Variants in XKRX observed in about 807,000 individuals in gnomAD.
XKRX encodes the protein XK related X-linked.
A neutral mutation model predicts 22.4 loss-of-function variants in XKRX; 11 were observed. That is an observed-to-expected ratio of 0.49 (90% CI 0.31 to 0.81). XKRX has a LOEUF of 0.81. Ranked by LOEUF, XKRX falls within the 40% of genes least tolerant of loss-of-function variation. The probability of loss-of-function intolerance (pLI) is 0.05; values close to 1 mark genes in which losing one functional copy is unlikely to be tolerated. For synonymous variants in XKRX, 114 were observed against 132.2 expected, an observed-to-expected ratio of 0.86 and a Z score of 0.94; for missense variants, 320 against 336.5, an observed-to-expected ratio of 0.95 and a Z score of 0.38.
chrX:100,898,599 A>G, the XKRX span, among the ~76,000 whole-genome samples: 1 of 62,644 alleles, frequency 1.6e-5, no homozygotes, highest in Non-Finnish European at 3.3e-5. Flanking sequence ...AACAACAACA[A>G]AAAAAAAAAA....
At chrX:100,957,637 T>C in the XKRX span, 2 of 472,514 alleles carry the variant, frequency 4.2e-6, no homozygotes, top group African/African-American at 4.8e-5. Flanking sequence ...GGAGAAGACA[T>C]GTTTATTTTT....
chrX:100,959,222 T>G, the XKRX span, among the ~76,000 whole-genome samples: 1 of 112,030 alleles, frequency 8.9e-6, no homozygotes, highest in East Asian at 2.8e-4. Flanking sequence ...AAACTAGCTT[T>G]TAGTTTAAAG....
In XKRX at chrX:100,928,269, A is replaced by G. The variant is rs199645817; in HGVS notation, c.36T>C (p.Asn12=). 17 of 1,211,207 alleles carry G rather than the reference A, an allele frequency of 1.4e-5. No homozygotes were observed. The East Asian group carries it at 2.1e-4, about 15-fold the overall frequency. Residue 12 remains asparagine, a synonymous_variant, in exon 1 of 3, where the codon AAT becomes AAC. Coordinates refer to ENST00000372956, the MANE Select transcript of XKRX (RefSeq NM_212559.3). The part of the protein sequence containing the change: ...DRVYEIPEEP[N]VDPVSSLEED... ...CCTCCAGAGATGAAACCGGATCCAC[A>G]TTTGGCTCCTCAGGAATTTCATAAA...
chrX:100,917,557 AAGAG>A (rs1371532776), intron 2 of XKRX, among the ~76,000 whole-genome samples: 2 of 103,075 alleles, frequency 1.9e-5, no homozygotes, highest in Admixed American at 1.1e-4. Context: ...GGAAGACAGA[AAGAG>A]AGAGAGAGAA....
At chrX:100,932,717 G>A (rs377198809), upstream of XKRX, among the ~76,000 whole-genome samples, 2 of 112,463 alleles carry the variant, frequency 1.8e-5, no homozygotes, top group East Asian at 5.6e-4. Context: ...GGAAAGAGGA[G>A]AGGAAGGACA....
At chrX:100,900,065 C>G in the XKRX span, among the ~76,000 whole-genome samples, 2 of 111,258 alleles carry the variant, frequency 1.8e-5, no homozygotes, top group Non-Finnish European at 3.8e-5. Flanking sequence ...AAAAACAAAA[C>G]TGAAAGACTT....
chrX:100,920,619 C>T (rs1285274203), intron 2 of XKRX, among the ~76,000 whole-genome samples: 2 of 112,045 alleles, frequency 1.8e-5, no homozygotes, highest in Non-Finnish European at 3.8e-5. Flanking sequence ...AATTTTCAAA[C>T]CATACAGAAG....
the XKRX span, among the ~76,000 whole-genome samples, chrX:100,942,063 G>C: frequency 1.8e-5 from 2 of 110,863 alleles, no homozygotes; most frequent in African/African-American, 3.3e-5. Flanking sequence ...GGCCAGGCTG[G>C]TCTTGAACTC....
the XKRX span, among the ~76,000 whole-genome samples, chrX:100,906,861 T>C: frequency 1.8e-5 from 2 of 111,557 alleles, no homozygotes; most frequent in African/African-American, 6.5e-5. Context: ...CGTGGCCTCT[T>C]CCTCCATCTT....
downstream of XKRX, among the ~76,000 whole-genome samples, chrX:100,912,996 G>A (rs1417469370): frequency 9.1e-6 from 1 of 110,202 alleles, no homozygotes; most frequent in Non-Finnish European, 1.9e-5. Flanking sequence ...TCAGGAGTTC[G>A]AGACCAGCCT....
the XKRX span, among the ~76,000 whole-genome samples, chrX:100,890,595 G>A: frequency 0.014 from 1,568 of 110,163 alleles, 28 homozygotes; most frequent in African/African-American, 0.05. Context: ...GTTGGAACAG[G>A]AAAATCTTCT....
chrX:100,940,843 C>A, the XKRX span, among the ~76,000 whole-genome samples: 1 of 111,731 alleles, frequency 9.0e-6, no homozygotes, highest in Non-Finnish European at 1.9e-5. Context: ...GGCCCAAACA[C>A]GCCTAACTCC....
At chrX:100,915,244 T>G (rs1412116918) in intron 2 of XKRX, among the ~76,000 whole-genome samples, 161 bp from the exon 3 acceptor site, 1 of 111,654 alleles carries the variant, frequency 9.0e-6, no homozygotes. Context: ...ACAAATAGCA[T>G]GCACTTGAAT....
At chrX:100,917,357 C>T (rs2085441653) in intron 2 of XKRX, among the ~76,000 whole-genome samples, 1 of 109,368 alleles carries the variant, frequency 9.1e-6, no homozygotes, top group African/African-American at 3.3e-5. Flanking sequence ...TGGCTCACAC[C>T]TGTAATCCCA....
the XKRX span, among the ~76,000 whole-genome samples, chrX:100,897,412 T>G: frequency 9.2e-6 from 1 of 109,242 alleles, no homozygotes; most frequent in African/African-American, 3.3e-5. Flanking sequence ...TAGTGAAACC[T>G]GTCTCTACCA....
At chrX:100,944,621 C>T in the XKRX span, among the ~76,000 whole-genome samples, 1 of 112,357 alleles carries the variant, frequency 8.9e-6, no homozygotes, top group Admixed American at 9.4e-5. Flanking sequence ...CCTCGGCCTC[C>T]CCAAGTGCGG....
intron 2 of XKRX, among the ~76,000 whole-genome samples, chrX:100,916,457 A>G (rs1226642839): frequency 8.9e-6 from 1 of 112,265 alleles, no homozygotes; most frequent in Non-Finnish European, 1.9e-5. Context: ...ACGTGAGAAG[A>G]GTACATATAA....
At chrX:100,909,277 A>AAAACGCCT (rs1569453320), downstream of XKRX, among the ~76,000 whole-genome samples, 2 of 112,387 alleles carry the variant, frequency 1.8e-5, no homozygotes, top group Non-Finnish European at 3.8e-5. Context: ...CAGGCGTTTT[A>AAAACGCCT]GGACTTCTCT....
rs777746734 is a variant in XKRX at position 100,914,670 on chromosome X, C to T, written c.1018G>A (p.Val340Ile). The change falls in exon 3 of 3, where the codon GTC becomes ATC. Residue 340 changes from valine to isoleucine, a missense_variant. Val to Ile is a conservative substitution (Grantham distance 29, BLOSUM62 3). Transcript: ENST00000372956. The stretch of plus-strand genomic sequence containing the variant: ...TGTCCCCAGTTCTGCCCTTTGTCGA[C>T]GAGATCTCTGTCTGCCAACCTCAAC... ...LQLRLADRDL[V>I]DKGQNWGHMG... is the part of the protein sequence containing the mutation. 14 of 1,210,103 alleles carry T rather than the reference C, an allele frequency of 1.2e-5. No individual in the cohort carries two copies. In the Admixed American group the frequency reaches 1.7e-4, roughly 15 times the overall value.
Sources: gnomAD v4.1 joint callset for allele counts (sites outside exome capture counted in the v4.1 genomes callset) on GRCh38, gnomAD v4.1.1 for gene constraint, MANE v1.5 for transcripts, NCBI Gene and HGNC (gene_info 2026-07-23, HGNC 2026-07-21) for gene names.